Variants in KRTDAP observed in about 807,000 individuals in gnomAD.
KRTDAP encodes the protein keratinocyte differentiation associated protein.
Under a neutral mutation model 18.6 loss-of-function variants are expected in KRTDAP, and 14 were observed. The observed-to-expected ratio is 0.75, with a 90% CI of 0.50 to 1.18. KRTDAP has a LOEUF of 1.18. Ranked by LOEUF, KRTDAP falls within the 50% of genes most tolerant of loss-of-function variation. The pLI, the probability that KRTDAP is intolerant of heterozygous loss-of-function variation, is 0.00. For missense variants in KRTDAP, 114 were observed against 121.3 expected (o/e 0.94, Z 0.28); for synonymous variants, 53 against 49.5 (o/e 1.07, Z -0.29).
At chr19:35,490,043 G>T (rs1343463015) in intron 1 of KRTDAP, among the ~76,000 whole-genome samples, 1 of 126,300 alleles carries the variant, frequency 7.9e-6, no homozygotes, top group Non-Finnish European at 1.6e-5. Flanking sequence ...CAGCTGGAAC[G>T]GAATGGGTGA....
At chr19:35,489,442 GTTTGAATTAGACAT>G (rs1003322524) in intron 1 of KRTDAP, among the ~76,000 whole-genome samples, 2 of 152,112 alleles carry the variant, frequency 1.3e-5, no homozygotes, top group African/African-American at 4.8e-5. Flanking sequence ...TTGTTTTTTG[GTTTGAATTAGACAT>G]TTTGAATTAG....
In KRTDAP at chr19:35,487,416, T is replaced by C. The variant is rs774983512; in HGVS notation, c.*12A>G. The C allele has an allele frequency of 2.5e-6, 4 of 1,613,402 alleles. No individual in the cohort carries two copies. The Admixed American group carries it at 5.0e-5, about 20-fold the overall frequency. ...CGCTCACGCTAGCCCCCTCTTCCAGTGGAGGTCATGGTCACTGGGCATCAG... is the reference window on the plus strand; with the variant it reads ...CGCTCACGCTAGCCCCCTCTTCCAGCGGAGGTCATGGTCACTGGGCATCAG... On this transcript the variant is annotated 3_prime_UTR_variant, in exon 6 of 6. Transcript: ENST00000338897.
At chr19:35,488,878 C>T (rs758951889) in intron 1 of KRTDAP, 38 bp from the exon 2 acceptor site, 3 of 1,604,630 alleles carry the variant, frequency 1.9e-6, no homozygotes, top group Non-Finnish European at 2.6e-6. Flanking sequence ...CAGGGGGTCA[C>T]GTGATGCCAG....
At chr19:35,488,523 CA>C in intron 3 of KRTDAP, 38 bp from the exon 4 acceptor site, 1 of 1,612,068 alleles carries the variant, frequency 6.2e-7, no homozygotes, top group Non-Finnish European at 8.5e-7. Context: ...AGGTCAGCTC[CA>C]GGGGAGGCCA....
intron 5 of KRTDAP, 75 bp downstream of exon 5, chr19:35,487,637 C>T (rs1188895198): frequency 7.6e-7 from 1 of 1,323,100 alleles, no homozygotes; most frequent in Non-Finnish European, 1.1e-6. Context: ...TCCCTGTCCC[C>T]ACTCTCTCTC....
At chr19:35,489,127 A>G (rs2145781683) in intron 1 of KRTDAP, among the ~76,000 whole-genome samples, 1 of 152,378 alleles carries the variant, frequency 6.6e-6, no homozygotes, top group Middle Eastern at 3.4e-3. Flanking sequence ...GCTGTCCTGC[A>G]GTTGACTTAA....
At chr19:35,487,550 C>T (rs2067497904) in intron 5 of KRTDAP, 84 bp from the exon 6 acceptor site, 10 of 1,334,870 alleles carry the variant, frequency 7.5e-6, no homozygotes, top group East Asian at 2.3e-5. Flanking sequence ...ATTTCTGCCT[C>T]GGTGTGAGTT....
rs2067499429 is a variant in KRTDAP, at chr19:35,487,753, T to G, written c.220A>C (p.Lys74Gln). The change falls in exon 5 of 6, where the codon AAA (lysine) becomes CAA (glutamine). Residue 74 changes from lysine (K) to glutamine (Q), a missense_variant. Physicochemically the swap from Lys to Gln is moderately conservative, Grantham distance 53 (BLOSUM62 1). Coordinates refer to ENST00000338897, the MANE Select transcript of KRTDAP (RefSeq NM_207392.3). ...LNWHALFESI[K>Q]RKLPFLNWDA... ...CAGTTGAGGAAAGGAAGTTTCCTTT[T>G]GATAGACTAAAAGAAAGAAAGAGAA... 1 of 1,612,602 alleles carries G rather than the reference T, an allele frequency of 6.2e-7. No individual in the cohort carries two copies. The highest frequency in any genetic ancestry group is 8.5e-7 in the Non-Finnish European group (1 of 1,178,806).
chr19:35,490,289 G>A (rs1053460240), intron 1 of KRTDAP, 67 bp downstream of exon 1: 54 of 974,962 alleles, frequency 5.5e-5, no homozygotes, highest in Admixed American at 1.3e-4. Flanking sequence ...GAATGGACAG[G>A]AGGTAGAGAG....
rs367766072 is a variant in KRTDAP at position 35,488,716 on chromosome 19, G to A, written c.127-13C>T. 37 of 1,614,180 alleles carry A rather than the reference G, an allele frequency of 2.3e-5. No homozygotes were observed. In the African/African-American group the frequency reaches 3.5e-4, roughly 15 times the overall value. Reference sequence around the variant, plus strand: ...GGGTGTTAAAGGCCTAGGCAGAAACGCAGGGTGTTAGGAAAGTTGCTAAGA... The same window carrying A: ...GGGTGTTAAAGGCCTAGGCAGAAACACAGGGTGTTAGGAAAGTTGCTAAGA... On this transcript the variant is annotated splice_polypyrimidine_tract_variant and intron_variant, in intron 2 of 5. Transcript: ENST00000338897.
At chr19:35,488,531 GC>G in intron 3 of KRTDAP, 46 bp from the exon 4 acceptor site, 1 of 1,609,048 alleles carries the variant, frequency 6.2e-7, no homozygotes, top group Non-Finnish European at 8.5e-7. Context: ...TCCAGGGGAG[GC>G]CAGAGCTTAG....
chr19:35,487,492 A>C, intron 5 of KRTDAP, 26 bp from the exon 6 acceptor site: 4 of 1,608,444 alleles, frequency 2.5e-6, no homozygotes, highest in Non-Finnish European at 3.4e-6. Context: ...TCAGGGTTAG[A>C]TGGGGAACCC....
Position 35,488,849 on chromosome 19 carries a change from G to C in KRTDAP, c.88-9C>G, listed in dbSNP as rs2067507268. 1 of 1,613,772 alleles carries C rather than the reference G, an allele frequency of 6.2e-7. No individual in the cohort carries two copies. Among genetic ancestry groups the C allele is most frequent in the Non-Finnish European group, 8.5e-7 (1 of 1,179,974 alleles). On this transcript the variant is annotated splice_polypyrimidine_tract_variant and intron_variant, in intron 1 of 5. Coordinates refer to ENST00000338897, the MANE Select transcript of KRTDAP (RefSeq NM_207392.3). The stretch of plus-strand genomic sequence containing the variant: ...TCAATGGTGCTTTCTTCCTGGAAAA[G>C]GAGAGGGAGAAAAGGCGGCAGGGGG...
rs770669430 is a variant in KRTDAP, at chr19:35,490,389, G to A, written c.54C>T (p.His18=). 5.6e-6 allele frequency: 9 copies of A among 1,613,640 alleles called. No individual in the cohort carries two copies. In the Admixed American group the frequency reaches 1.5e-4, roughly 27 times the overall value. The part of the protein sequence containing the change: ...AVVLLSLLVL[H]SAQGATLGGP... ...CACCCAGGGTGGCTCCCTGGGCAGAGTGGAGCACCAGGAGGGAGAGGAGCA... is the reference window on the plus strand; with the variant it reads ...CACCCAGGGTGGCTCCCTGGGCAGAATGGAGCACCAGGAGGGAGAGGAGCA... Residue 18 remains histidine (H), a synonymous_variant, in exon 1 of 6, where the codon CAC becomes CAT. Coordinates refer to ENST00000338897, the MANE Select transcript of KRTDAP (RefSeq NM_207392.3).
Position 35,487,448 on chromosome 19 carries a change from C to T in KRTDAP, c.280G>A (p.Ala94Thr), listed in dbSNP as rs559587916. ...AFPKLKGLRS[A>T]TPDAQ ...CATGGTCACTGGGCATCAGGAGTTG[C>T]GCTCCTCAGTCCTTTCAGCTAGAGG... Residue 94 changes from alanine to threonine, a missense_variant, in exon 6 of 6, where the codon GCA becomes ACA. Ala to Thr is a moderately conservative substitution (Grantham distance 58). Coordinates refer to ENST00000338897, the MANE Select transcript of KRTDAP (RefSeq NM_207392.3). The T allele has an allele frequency of 1.2e-5, 20 of 1,614,002 alleles. No individual in the cohort carries two copies. Among genetic ancestry groups the T allele is most frequent in the Middle Eastern group, 1.7e-4 (1 of 6,060 alleles).
chr19:35,490,437 C>T lies in KRTDAP; in HGVS notation c.6G>A (p.Lys2=). Residue 2 remains lysine (K), a synonymous_variant, in exon 1 of 6, where the codon AAG becomes AAA. Coordinates refer to ENST00000338897, the MANE Select transcript of KRTDAP (RefSeq NM_207392.3). M[K]IPVLPAVVLL... is the part of the protein sequence containing the mutation. ...GCACCACGGCAGGAAGGACCGGGATCTTCATGGCGTCAAGTTTGGGGTGCT... is the reference window on the plus strand; with the variant it reads ...GCACCACGGCAGGAAGGACCGGGATTTTCATGGCGTCAAGTTTGGGGTGCT... 3 of 1,612,596 alleles carry T rather than the reference C, an allele frequency of 1.9e-6. No individual in the cohort carries two copies. Among genetic ancestry groups the T allele is most frequent in the Non-Finnish European group, 2.5e-6 (3 of 1,179,080 alleles).
intron 4 of KRTDAP, 30 bp downstream of exon 4, chr19:35,488,411 G>A (rs375111617): frequency 2.5e-5 from 40 of 1,609,078 alleles, no homozygotes; most frequent in African/African-American, 6.7e-5. Flanking sequence ...GCAGACAACC[G>A]AGGAGGGCAA....
At chr19:35,489,185 G>A (rs1437665778) in intron 1 of KRTDAP, among the ~76,000 whole-genome samples, 1 of 152,218 alleles carries the variant, frequency 6.6e-6, no homozygotes, top group Admixed American at 6.5e-5. Flanking sequence ...AGTCCGTATA[G>A]CTGGATGGGA....
chr19:35,488,338 A>C, intron 4 of KRTDAP, 103 bp downstream of exon 4: 4 of 1,193,496 alleles, frequency 3.4e-6, no homozygotes, highest in South Asian at 1.3e-5. Flanking sequence ...ACTCCCTCCC[A>C]GAGATCAGGA....
Sources: gnomAD v4.1 joint callset for allele counts (sites outside exome capture counted in the v4.1 genomes callset) on GRCh38, gnomAD v4.1.1 for gene constraint, MANE v1.5 for transcripts, NCBI Gene and HGNC (gene_info 2026-07-23, HGNC 2026-07-21) for gene names.